VRK2: variants seen among roughly 807,000 people sequenced by gnomAD.
The protein encoded by VRK2 is VRK serine/threonine kinase 2, also known as serine/threonine-protein kinase VRK2.
VRK2 carries 60 observed loss-of-function variants against 57.6 expected under a neutral mutation model. That is an observed-to-expected ratio of 1.04 (90% CI 0.85 to 1.29). The LOEUF (loss-of-function observed/expected upper bound fraction) is 1.29, where lower values mean the gene tolerates loss of function less well. Ranked by LOEUF, VRK2 falls within the 50% of genes most tolerant of loss-of-function variation. The pLI, the probability that VRK2 is intolerant of heterozygous loss-of-function variation, is 0.00. For synonymous variants in VRK2, 231 were observed against 199.2 expected (o/e 1.16, Z -1.35); for missense variants, 705 against 588.1 (o/e 1.20, Z -2.06).
chr2:58,084,179 CT>C lies in VRK2; in HGVS notation c.186+46del, dbSNP rs753704819. 9.0e-6 allele frequency: 14 copies of C among 1,549,924 alleles called. No individual in the cohort carries two copies. In the South Asian group the frequency reaches 1.6e-4, roughly 18 times the overall value. On this transcript the variant is annotated intron_variant, in intron 3 of 12. Coordinates refer to ENST00000340157, the MANE Select transcript of VRK2 (RefSeq NM_006296.7). ...AGATTTGTATTTCACATATATTTGA[CT>C]TTTTCCTTTTCTGCTTTAAGAATGT...
chr2:58,159,600 T>G lies in VRK2; in HGVS notation c.1434T>G (p.Thr478=), dbSNP rs866675905. Residue 478 remains threonine, a synonymous_variant, in exon 13 of 13, where the codon ACT becomes ACG. Coordinates refer to ENST00000340157, the MANE Select transcript of VRK2 (RefSeq NM_006296.7). ...TGLWPTISQF[T]LSEETNADVY... is the part of the protein sequence containing the mutation. The stretch of plus-strand genomic sequence containing the variant: ...TTTGGCCTACAATTTCCCAGTTTAC[T>G]CTTAGTGAAGAGACAAACGCAGATG... The G allele has an allele frequency of 1.2e-5, 19 of 1,613,782 alleles. No individual in the cohort carries two copies. The highest frequency in any genetic ancestry group is 3.3e-5 in the Admixed American group (2 of 59,986).
chr2:58,113,169 C>T (rs776443931), intron 7 of VRK2, among the ~76,000 whole-genome samples: 6 of 151,982 alleles, frequency 3.9e-5, no homozygotes, highest in Middle Eastern at 3.4e-3. Flanking sequence ...ATTAGCTGGG[C>T]GTGGTGGCAC....
At chr2:57,968,596 G>A (rs1054671013) in intron 1 of VRK2, among the ~76,000 whole-genome samples, 5 of 151,998 alleles carry the variant, frequency 3.3e-5, no homozygotes, top group Non-Finnish European at 5.9e-5. Flanking sequence ...TTGTTATTAC[G>A]TGAATGCCAT....
At chr2:57,967,857 A>C (rs1230629604) in intron 1 of VRK2, among the ~76,000 whole-genome samples, 4 of 152,152 alleles carry the variant, frequency 2.6e-5, no homozygotes, top group Admixed American at 2.0e-4. Context: ...AAATCTACAT[A>C]TTCTGATTGT....
At chr2:58,009,675 T>C (rs1460151230) in intron 1 of VRK2, among the ~76,000 whole-genome samples, 1 of 151,628 alleles carries the variant, frequency 6.6e-6, no homozygotes, top group African/African-American at 2.4e-5. Context: ...ATTCAACATA[T>C]CAGACCAGTT....
intron 1 of VRK2, among the ~76,000 whole-genome samples, chr2:57,978,148 T>C (rs931099968): frequency 1.3e-5 from 2 of 151,074 alleles, no homozygotes; most frequent in Non-Finnish European, 2.9e-5. Context: ...AAGGACTTAA[T>C]GGGTGAAAAA....
chr2:58,027,686 T>C lies in VRK2; in HGVS notation c.-333+1916T>C, dbSNP rs553060552. Among the ~76,000 whole-genome samples, 24 of 152,264 alleles carry C rather than the reference T, an allele frequency of 1.6e-4. No individual in the cohort carries two copies. The South Asian group carries it at 4.8e-3, about 30-fold the overall frequency. ...CAACGTATGTAACTATTGGCCCCTA[T>C]AAAGATAGAAATAATGACATAACTT... On this transcript the variant is annotated intron_variant, in intron 2 of 15. Coordinates refer to the VRK2 transcript ENST00000417641.
chr2:58,158,309 A>G (rs2104741616), intron 12 of VRK2, among the ~76,000 whole-genome samples: 1 of 152,330 alleles, frequency 6.6e-6, no homozygotes, highest in Middle Eastern at 3.4e-3. Context: ...TTAGCTCAGA[A>G]AGAGTAGTTT....
chr2:58,083,794 GTATTTAAA>G (rs1294903344), intron 2 of VRK2, among the ~76,000 whole-genome samples: 8 of 151,628 alleles, frequency 5.3e-5, no homozygotes, highest in African/African-American at 1.9e-4. Flanking sequence ...TATTGATTCT[GTATTTAAA>G]TATTTAAATA....
chr2:57,924,682 A>G (rs2717010), intron 1 of VRK2, among the ~76,000 whole-genome samples: 105,499 of 151,848 alleles, frequency 0.69, 38,151 homozygotes, highest in African/African-American at 0.92. Flanking sequence ...TATCCCATTT[A>G]GATGCCCTTT....
chr2:58,000,499 A>G (rs1333013124), intron 1 of VRK2, among the ~76,000 whole-genome samples: 1 of 152,212 alleles, frequency 6.6e-6, no homozygotes, highest in Admixed American at 6.5e-5. Context: ...CATTATAACT[A>G]GATCATTTTA....
Position 57,951,090 on chromosome 2 carries a change from CA to C in VRK2, c.-439+43261del, listed in dbSNP as rs764826333. ...CTGGTGACAGAGCAAGACTCCATCT[CA>C]AAAAAAAAATAATAAATAAATAAAC... On this transcript the variant is annotated intron_variant, in intron 1 of 15. Coordinates refer to the VRK2 transcript ENST00000417641. 1.2e-4 allele frequency among the ~76,000 whole-genome samples: 17 copies of C among 147,114 alleles called. No homozygotes were observed. The East Asian group carries it at 1.2e-3, about 10-fold the overall frequency.
chr2:57,961,112 T>C (rs780201888), intron 1 of VRK2, among the ~76,000 whole-genome samples: 4 of 152,154 alleles, frequency 2.6e-5, no homozygotes, highest in African/African-American at 7.2e-5. Context: ...AAAATACATA[T>C]GTATTAATAT....
chr2:57,951,244 G>A (rs1303786241), intron 1 of VRK2, among the ~76,000 whole-genome samples: 3 of 152,216 alleles, frequency 2.0e-5, no homozygotes, highest in Admixed American at 6.5e-5. Context: ...AACGGCAGAT[G>A]TGGTGGAAAT....
intron 1 of VRK2, among the ~76,000 whole-genome samples, chr2:57,997,703 G>C (rs1263833685): frequency 6.6e-6 from 1 of 152,104 alleles, no homozygotes; most frequent in African/African-American, 2.4e-5. Context: ...AGCAGTTTGA[G>C]ACCAGCCTGG....
rs541663929 is a variant in VRK2 at position 57,915,903 on chromosome 2, C to A, written c.-439+8064C>A. 1.4e-3 allele frequency among the ~76,000 whole-genome samples: 209 copies of A among 152,158 alleles called. 1 individual carries two copies. The highest frequency in any genetic ancestry group is 1.5e-3 in the Non-Finnish European group (105 of 68,006). ...CCACAAACCCTGCTTGTGAACTGTG[C>A]ATGTGTGGGATCTAGGTTGCACGCT... On this transcript the variant is annotated intron_variant, in intron 1 of 15. Coordinates refer to the VRK2 transcript ENST00000417641.
intron 1 of VRK2, among the ~76,000 whole-genome samples, chr2:57,983,282 C>A (rs554389115): frequency 6.6e-6 from 1 of 152,240 alleles, no homozygotes; most frequent in South Asian, 2.1e-4. Context: ...TTCTTTAACC[C>A]TTCTTTCATA....
At chr2:58,014,968 C>T (rs1168993265) in intron 1 of VRK2, among the ~76,000 whole-genome samples, 1 of 152,022 alleles carries the variant, frequency 6.6e-6, no homozygotes, top group Non-Finnish European at 1.5e-5. Context: ...CAGTAAAATC[C>T]ACTTCAGATT....
Position 58,146,397 on chromosome 2 carries a change from A to C in VRK2, c.1105A>C (p.Ser369Arg). ...LIEKKVHSER[S>R]AESCATWKVQ... ...CGAAAAAAAAGTCCACAGTGAGAGA[A>C]GCGCTGAGTCCTGTGCAACATGGAA... The change falls in exon 12 of 13, where the codon AGC becomes CGC. Residue 369 changes from serine to arginine, a missense_variant. Ser to Arg is a moderately radical substitution (Grantham distance 110). Transcript: ENST00000340157. 1 of 1,611,884 alleles carries C rather than the reference A, an allele frequency of 6.2e-7. No individual in the cohort carries two copies. Among genetic ancestry groups the C allele is most frequent in the African/African-American group, 1.3e-5 (1 of 74,898 alleles).
Sources: allele counts gnomAD v4.1 joint callset (sites outside exome capture counted in the v4.1 genomes callset), GRCh38; gene constraint gnomAD v4.1.1; transcripts MANE v1.5; gene names NCBI Gene and HGNC (gene_info 2026-07-23, HGNC 2026-07-21).